The following CYP26C1 variants were observed in gnomAD, a reference collection of about 807,000 sequenced individuals.
CYP26C1 encodes cytochrome P450 26C1.
In CYP26C1, 41 loss-of-function variants were observed where a neutral mutation model predicts 39.1. The observed-to-expected ratio is 1.05, with a 90% confidence interval of 0.82 to 1.36. The LOEUF (loss-of-function observed/expected upper bound fraction) is 1.36. Among genes scored for constraint, CYP26C1 ranks in the 40% most tolerant of loss-of-function variants. The pLI, the probability that CYP26C1 is intolerant of heterozygous loss-of-function variation, is 0.00. For synonymous variants in CYP26C1, 362 were observed against 350.8 expected (o/e 1.03, Z -0.36); for missense variants, 833 against 752.0 (o/e 1.11, Z -1.26).
chr10:93,062,670 A>C (rs1846766201), intron 2 of CYP26C1, 50 bp from the exon 3 acceptor site: 1 of 1,368,282 alleles, frequency 7.3e-7, no homozygotes, highest in South Asian at 1.7e-5. Flanking sequence ...GGAATCGCCA[A>C]GCAGATGAGG....
At position 93,062,842 on chromosome 10, in the gene CYP26C1, C is replaced by T. The variant is rs994508485; in HGVS notation, c.552C>T (p.Ala184=). The change falls in exon 3 of 6, where the codon GCC becomes GCT. Residue 184 remains alanine, a synonymous_variant. Transcript: ENST00000651965. ...AAGGPVSVYD[A]SKALTFRMAA... ...GCGGGCCGGTCTCAGTCTACGACGC[C>T]TCCAAAGCGCTCACCTTCCGCATGG... 9 of 1,593,098 alleles carry T rather than the reference C, an allele frequency of 5.6e-6. No homozygotes were observed. The East Asian group carries it at 6.7e-5, about 12-fold the overall frequency.
At position 93,066,324 on chromosome 10, in the gene CYP26C1, T is replaced by TCCTGCCG. The variant is rs76924069; in HGVS notation, c.1191+69_1191+75dup. ...GCCAGCCCATGGCCAGCCTCCTGCC[T>TCCTGCCG]CCTGCCGCCTGCCGCCTGCCGCCTG... On this transcript the variant is annotated intron_variant, in intron 5 of 5. Coordinates refer to ENST00000651965, the MANE Select transcript of CYP26C1 (RefSeq NM_183374.3). The TCCTGCCG allele has an allele frequency of 3.6e-3, 4,457 of 1,232,662 alleles. 95 individuals carry two copies. The African/African-American group carries it at 0.049, about 13-fold the overall frequency. 76.4% of individuals were successfully genotyped at this position (1,232,662 alleles called of 1,614,324 possible). A position where few individuals can be genotyped will look rare whatever the true frequency, so the allele number is the denominator to read the frequency against.
In CYP26C1 at chr10:93,068,346, C is replaced by G; in HGVS notation, c.1218C>G (p.Ser406Arg). The G allele has an allele frequency of 6.5e-7, 1 of 1,540,684 alleles. No homozygotes were observed. Among genetic ancestry groups the G allele is most frequent in the Admixed American group, 2.1e-5 (1 of 47,378 alleles). Residue 406 changes from serine (S) to arginine (R), a missense_variant, in exon 6 of 6, where the codon AGC becomes AGG. Physicochemically the swap from Ser to Arg is moderately radical, Grantham distance 110. Transcript: ENST00000651965. ...GCTACCAGATCCCCAAGGGCTGGAG[C>G]GTGATGTATAGCATCCGGGACACGC... ...LDGYQIPKGW[S>R]VMYSIRDTHE...
chr10:93,068,799 A>C lies in CYP26C1; in HGVS notation c.*102A>C. On this transcript the variant is annotated 3_prime_UTR_variant, in exon 6 of 6. Coordinates refer to ENST00000651965, the MANE Select transcript of CYP26C1 (RefSeq NM_183374.3). ...TGTAGCGTCGCGCGCCCACTCTTTC[A>C]CTCGTTCAACAATCTTTCAACAAAT... The C allele has an allele frequency of 7.1e-7, 1 of 1,402,236 alleles. No homozygotes were observed. The highest frequency in any genetic ancestry group is 9.3e-7 in the Non-Finnish European group (1 of 1,074,552). 86.9% of individuals were successfully genotyped at this position (1,402,236 alleles called of 1,614,324 possible).
In CYP26C1 at chr10:93,062,949, A is replaced by G. The variant is rs1846771721; in HGVS notation, c.659A>G (p.Asn220Ser). Residue 220 changes from asparagine (N) to serine (S), a missense_variant, in exon 3 of 6, where the codon AAC becomes AGC. By Grantham distance (46) the Asn-to-Ser change is conservative (BLOSUM62 1). Transcript: ENST00000651965. ...CGGACCTTCGAGCAGCTCGTGGAGA[A>G]CCTCTTCTCACTGCCTCTGGACGTT... ...LARTFEQLVE[N>S]LFSLPLDVPF... 1.9e-6 allele frequency: 3 copies of G among 1,601,498 alleles called. No homozygotes were observed. The highest frequency in any genetic ancestry group is 2.5e-6 in the Non-Finnish European group (3 of 1,177,122).
Position 93,062,880 on chromosome 10 carries a change from T to C in CYP26C1, c.590T>C (p.Leu197Pro). 6.2e-7 allele frequency: 1 copy of C among 1,604,984 alleles called. No individual in the cohort carries two copies. The change falls in exon 3 of 6, where the codon CTG (leucine) becomes CCG (proline). Residue 197 changes from leucine to proline, a missense_variant. Physicochemically the swap from Leu to Pro is moderately conservative, Grantham distance 98 (BLOSUM62 -3). Coordinates refer to ENST00000651965, the MANE Select transcript of CYP26C1 (RefSeq NM_183374.3). ...ACCTTCCGCATGGCCGCGCGCATCC[T>C]GCTGGGGTTGCGGCTGGACGAGGCG... ...ALTFRMAARI[L>P]LGLRLDEAQC...
At chr10:93,062,323 T>C in intron 2 of CYP26C1, 89 bp downstream of exon 2, 1 of 1,362,364 alleles carries the variant, frequency 7.3e-7, no homozygotes, top group Non-Finnish European at 9.8e-7. Flanking sequence ...CGGTGTTGGA[T>C]ACACTGTGAA....
At chr10:93,067,121 C>T (rs1057272391) in intron 5 of CYP26C1, among the ~76,000 whole-genome samples, 5 of 152,248 alleles carry the variant, frequency 3.3e-5, no homozygotes, top group African/African-American at 1.2e-4. Context: ...ACATTTGTGG[C>T]ACATTGCGTG....
At position 93,068,391 on chromosome 10, in the gene CYP26C1, C is replaced by T. The variant is rs765883484; in HGVS notation, c.1263C>T (p.Tyr421=). 2.1e-5 allele frequency: 33 copies of T among 1,605,912 alleles called. No individual in the cohort carries two copies. Among genetic ancestry groups the T allele is most frequent in the Non-Finnish European group, 2.6e-5 (31 of 1,177,164 alleles). ...IRDTHETAAV[Y]RSPPEGFDPE... is the part of the protein sequence containing the mutation. The stretch of plus-strand genomic sequence containing the variant: ...ACACGCACGAGACGGCTGCGGTGTA[C>T]CGCAGCCCTCCCGAAGGCTTCGATC... Residue 421 remains tyrosine, a synonymous_variant, in exon 6 of 6, where the codon TAC becomes TAT. Transcript: ENST00000651965.
Position 93,068,315 on chromosome 10 carries a change from T to C in CYP26C1, c.1192-5T>C. The stretch of plus-strand genomic sequence containing the variant: ...GGTCAGGCTGATCTCCTCGCCTCTC[T>C]GCAGGGCTACCAGATCCCCAAGGGC... On this transcript the variant is annotated splice_region_variant and splice_polypyrimidine_tract_variant and intron_variant, in intron 5 of 5. Coordinates refer to ENST00000651965, the MANE Select transcript of CYP26C1 (RefSeq NM_183374.3). The C allele has an allele frequency of 6.6e-7, 1 of 1,508,406 alleles. No individual in the cohort carries two copies. Among genetic ancestry groups the C allele is most frequent in the Non-Finnish European group, 8.9e-7 (1 of 1,129,582 alleles). 93.4% of individuals were successfully genotyped at this position (1,508,406 alleles called of 1,614,324 possible). A position where few individuals can be genotyped will look rare whatever the true frequency, so the allele number is the denominator to read the frequency against.
intron 3 of CYP26C1, chr10:93,063,282 G>A: frequency 1.7e-6 from 2 of 1,185,208 alleles, no homozygotes; most frequent in East Asian, 7.5e-5. Context: ...GCCAGAGTTT[G>A]GGGTCTCGGT....
rs1846746986 is a variant in CYP26C1, at chr10:93,061,426, G to A, written c.163G>A (p.Gly55Arg). 6.4e-7 allele frequency: 1 copy of A among 1,556,950 alleles called. No individual in the cohort carries two copies. The highest frequency in any genetic ancestry group is 8.7e-7 in the Non-Finnish European group (1 of 1,150,680). Residue 55 changes from glycine (G) to arginine (R), a missense_variant, in exon 1 of 6, where the codon GGG becomes AGG. Coordinates refer to ENST00000651965, the MANE Select transcript of CYP26C1 (RefSeq NM_183374.3). ...CCTGCCTCTGCCCAAGGGCTCCATG[G>A]GGTGGCCCTTCTTCGGCGAAACGCT... ...STLPLPKGSMGWPFFGETLHW... is the reference protein window; with the variant it reads ...STLPLPKGSMRWPFFGETLHW...
At chr10:93,064,008 A>C in intron 3 of CYP26C1, 4 of 1,033,172 alleles carry the variant, frequency 3.9e-6, no homozygotes, top group Non-Finnish European at 3.5e-6. Context: ...GCCTGAGCCT[A>C]GTACAGGGAA....
Position 93,061,326 on chromosome 10 carries a change from C to G in CYP26C1, c.63C>G (p.Cys21Trp). The G allele has an allele frequency of 6.3e-7, 1 of 1,594,010 alleles. No homozygotes were observed. Among genetic ancestry groups the G allele is most frequent in the Non-Finnish European group, 8.5e-7 (1 of 1,171,206 alleles). ...VLGAAGTALL[C>W]AGLLLSLAQH... Reference sequence around the variant, plus strand: ...GGGCGGCGGGCACTGCTCTCCTGTGCGCGGGCCTGCTGCTCAGCCTGGCCC... The same window carrying G: ...GGGCGGCGGGCACTGCTCTCCTGTGGGCGGGCCTGCTGCTCAGCCTGGCCC... Residue 21 changes from cysteine (C) to tryptophan (W), a missense_variant, in exon 1 of 6, where the codon TGC (cysteine) becomes TGG (tryptophan). Coordinates refer to ENST00000651965, the MANE Select transcript of CYP26C1 (RefSeq NM_183374.3).
chr10:93,066,649 G>A (rs1053722900), intron 5 of CYP26C1, among the ~76,000 whole-genome samples: 1 of 152,178 alleles, frequency 6.6e-6, no homozygotes, highest in Non-Finnish European at 1.5e-5. Flanking sequence ...TGTGGATGGA[G>A]AACAAAGAGA....
In CYP26C1 at chr10:93,061,433, C is replaced by G. The variant is rs556928560; in HGVS notation, c.170C>G (p.Pro57Arg). The G allele has an allele frequency of 6.4e-7, 1 of 1,554,682 alleles. No individual in the cohort carries two copies. Among genetic ancestry groups the G allele is most frequent in the South Asian group, 1.2e-5 (1 of 84,398 alleles). Residue 57 changes from proline to arginine, a missense_variant, in exon 1 of 6, where the codon CCC becomes CGC. Pro to Arg is a moderately radical substitution (Grantham distance 103, BLOSUM62 -2). Transcript: ENST00000651965. ...LPLPKGSMGW[P>R]FFGETLHWLV... ...CTGCCCAAGGGCTCCATGGGGTGGC[C>G]CTTCTTCGGCGAAACGCTGCACTGG... is the stretch of plus-strand genomic sequence containing the variant.
Position 93,062,899 on chromosome 10 carries a change from C to G in CYP26C1, c.609C>G (p.Asp203Glu), listed in dbSNP as rs199519449. 3 of 1,604,896 alleles carry G rather than the reference C, an allele frequency of 1.9e-6. No individual in the cohort carries two copies. Among genetic ancestry groups the G allele is most frequent in the South Asian group, 1.1e-5 (1 of 90,740 alleles). Reference sequence around the variant, plus strand: ...GCATCCTGCTGGGGTTGCGGCTGGACGAGGCGCAGTGCGCCACGCTGGCCC... The same window carrying G: ...GCATCCTGCTGGGGTTGCGGCTGGAGGAGGCGCAGTGCGCCACGCTGGCCC... ...AARILLGLRLDEAQCATLART... is the reference protein window; with the variant it reads ...AARILLGLRLEEAQCATLART... The change falls in exon 3 of 6, where the codon GAC becomes GAG. Residue 203 changes from aspartate (D) to glutamate (E), a missense_variant. Asp to Glu is a conservative substitution (Grantham distance 45). Coordinates refer to ENST00000651965, the MANE Select transcript of CYP26C1 (RefSeq NM_183374.3).
chr10:93,066,907 G>A (rs1476121423), intron 5 of CYP26C1, among the ~76,000 whole-genome samples: 7 of 152,246 alleles, frequency 4.6e-5, no homozygotes, highest in Non-Finnish European at 8.8e-5. Flanking sequence ...TTTACTCTCT[G>A]CAAGGAAGCT....
rs369954243 is a variant in CYP26C1, at chr10:93,061,304, C to T, written c.41C>T (p.Ala14Val). 64 of 1,595,712 alleles carry T rather than the reference C, an allele frequency of 4.0e-5. No individual in the cohort carries two copies. Among genetic ancestry groups the T allele is most frequent in the Non-Finnish European group, 5.3e-5 (62 of 1,172,468 alleles). ...CTGAGCTGCCTGTCAGTGCTGGGGG[C>T]GGCGGGCACTGCTCTCCTGTGCGCG... The part of the protein sequence containing the change: ...WGLSCLSVLG[A>V]AGTALLCAGL... Residue 14 changes from alanine (A) to valine (V), a missense_variant, in exon 1 of 6, where the codon GCG becomes GTG. Coordinates refer to ENST00000651965, the MANE Select transcript of CYP26C1 (RefSeq NM_183374.3).
Sources: gnomAD v4.1 joint callset for allele counts (sites outside exome capture counted in the v4.1 genomes callset) on GRCh38, gnomAD v4.1.1 for gene constraint, MANE v1.5 for transcripts, NCBI Gene and HGNC (gene_info 2026-07-23, HGNC 2026-07-21) for gene names.